Variants in CDH18 observed in about 807,000 individuals in gnomAD.
The protein encoded by CDH18 is cadherin-18.
Under a neutral mutation model 67.9 loss-of-function variants are expected in CDH18, and 31 were observed. That is an observed-to-expected ratio of 0.46 (90% CI 0.34 to 0.62). The LOEUF (loss-of-function observed/expected upper bound fraction) is 0.62, where lower values mean the gene tolerates loss of function less well. CDH18 is among the 20% of genes least tolerant of loss of function. CDH18 has a pLI of 0.01. For synonymous variants in CDH18, 362 were observed against 347.2 expected, an observed-to-expected ratio of 1.04 and a Z score of -0.48; for missense variants, 890 against 975.5, an observed-to-expected ratio of 0.91 and a Z score of 1.17.
intron 6 of CDH18, among the ~76,000 whole-genome samples, chr5:19,610,501 AAG>A (rs897052415): frequency 2.0e-5 from 3 of 149,018 alleles, no homozygotes; most frequent in African/African-American, 7.3e-5. Context: ...AATGGAGAAA[AAG>A]AGAGAGTGGG....
chr5:19,480,112 T>G (rs184012879), intron 12 of CDH18, among the ~76,000 whole-genome samples: 1 of 152,102 alleles, frequency 6.6e-6, no homozygotes, highest in Non-Finnish European at 1.5e-5. Flanking sequence ...ATAACATGCT[T>G]CACCTAAGAG....
At chr5:19,788,228 A>AT (rs1275848004) in intron 3 of CDH18, among the ~76,000 whole-genome samples, 1 of 152,154 alleles carries the variant, frequency 6.6e-6, no homozygotes, top group African/African-American at 2.4e-5. Flanking sequence ...AAATGTTGGA[A>AT]TTTTTCTACA....
intron 5 of CDH18, among the ~76,000 whole-genome samples, chr5:19,662,480 T>C (rs1249780158): frequency 5.3e-5 from 8 of 152,074 alleles, no homozygotes. Flanking sequence ...ACCATAGATA[T>C]GTAGTTTATC....
intron 2 of CDH18, among the ~76,000 whole-genome samples, chr5:19,932,940 T>A (rs1043672189): frequency 1.3e-5 from 2 of 151,640 alleles, no homozygotes; most frequent in African/African-American, 4.8e-5. Context: ...TTTTTACTTG[T>A]TTCTTATTAA....
intron 1 of CDH18, among the ~76,000 whole-genome samples, chr5:20,464,178 T>C (rs920561955): frequency 2.6e-5 from 4 of 152,086 alleles, no homozygotes; most frequent in African/African-American, 4.8e-5. Context: ...ACAGACCAAG[T>C]AGATATTGAC....
chr5:19,580,834 A>G (rs1205658892), intron 7 of CDH18, among the ~76,000 whole-genome samples: 1 of 151,976 alleles, frequency 6.6e-6, no homozygotes, highest in Non-Finnish European at 1.5e-5. Flanking sequence ...GTGGAAATCT[A>G]AATAGCAAAT....
chr5:19,853,709 G>A (rs1318858783), intron 2 of CDH18, among the ~76,000 whole-genome samples: 1 of 152,104 alleles, frequency 6.6e-6, no homozygotes. Context: ...GGAGATATAA[G>A]TTTTGCTGCA....
At chr5:19,714,720 C>G (rs548461306) in intron 5 of CDH18, among the ~76,000 whole-genome samples, 4 of 137,492 alleles carry the variant, frequency 2.9e-5, no homozygotes, top group Non-Finnish European at 6.3e-5. Flanking sequence ...AAGGGACATA[C>G]AGCAGGTCCT....
intron 2 of CDH18, among the ~76,000 whole-genome samples, chr5:19,903,543 A>G (rs62352218): frequency 9.4e-4 from 25 of 26,732 alleles, no homozygotes; most frequent in South Asian, 3.8e-3. Context: ...GTGTGTGTGT[A>G]TATATATATA....
chr5:20,120,448 C>T (rs1217163011), intron 2 of CDH18, among the ~76,000 whole-genome samples: 2 of 151,978 alleles, frequency 1.3e-5, no homozygotes, highest in South Asian at 2.1e-4. Context: ...TGGGGCACAG[C>T]GGGATTCAAG....
intron 2 of CDH18, among the ~76,000 whole-genome samples, chr5:19,902,804 C>CT (rs1423354772): frequency 6.6e-6 from 1 of 152,166 alleles, no homozygotes; most frequent in Non-Finnish European, 1.5e-5. Context: ...TATTTCAGAA[C>CT]TTTGGTTTCC....
chr5:20,339,060 A>C (rs1006529746), intron 1 of CDH18, among the ~76,000 whole-genome samples: 17 of 152,076 alleles, frequency 1.1e-4, no homozygotes, highest in Non-Finnish European at 2.1e-4. Context: ...TCTCCACCCA[A>C]GGACACTCTG....
intron 3 of CDH18, among the ~76,000 whole-genome samples, chr5:19,816,175 A>C (rs1014905857): frequency 6.6e-6 from 1 of 151,890 alleles, no homozygotes; most frequent in Admixed American, 6.6e-5. Flanking sequence ...TTTAGCCTAA[A>C]CAATATGGCA....
chr5:19,924,677 T>G (rs538938505), intron 2 of CDH18, among the ~76,000 whole-genome samples: 2 of 152,112 alleles, frequency 1.3e-5, no homozygotes, highest in African/African-American at 2.4e-5. Flanking sequence ...AAATTTTGAC[T>G]AATAGGACAT....
intron 2 of CDH18, among the ~76,000 whole-genome samples, chr5:20,103,223 T>C (rs1047249836): frequency 6.6e-6 from 1 of 152,210 alleles, no homozygotes; most frequent in African/African-American, 2.4e-5. Context: ...CTTTTGATTC[T>C]TCTCTGTTTT....
At chr5:19,525,141 C>G (rs1747560258) in intron 9 of CDH18, among the ~76,000 whole-genome samples, 1 of 152,132 alleles carries the variant, frequency 6.6e-6, no homozygotes, top group African/African-American at 2.4e-5. Flanking sequence ...AAAACCATAT[C>G]TTGAGGAGGA....
chr5:19,969,338 T>C (rs1423127162), intron 2 of CDH18, among the ~76,000 whole-genome samples: 1 of 143,180 alleles, frequency 7.0e-6, no homozygotes, highest in Non-Finnish European at 1.5e-5. Flanking sequence ...GCCATCCCAT[T>C]ACTGGTTATA....
At chr5:20,304,020 T>A in intron 1 of CDH18, 2 of 1,361,650 alleles carry the variant, frequency 1.5e-6, no homozygotes, top group Non-Finnish European at 2.1e-6. Flanking sequence ...AACTTGGCAA[T>A]AATTCCGCAG....
chr5:19,614,629 A>G (rs1561472622), intron 5 of CDH18, among the ~76,000 whole-genome samples: 1 of 152,128 alleles, frequency 6.6e-6, no homozygotes, highest in Non-Finnish European at 1.5e-5. Flanking sequence ...GAAATATGAG[A>G]TTATTATCAA....
Sources: allele counts gnomAD v4.1 joint callset (sites outside exome capture counted in the v4.1 genomes callset), GRCh38; gene constraint gnomAD v4.1.1; transcripts MANE v1.5; gene names NCBI Gene and HGNC (gene_info 2026-07-23, HGNC 2026-07-21).